ANKRD11: variants seen among roughly 807,000 people sequenced by gnomAD.
ANKRD11 encodes ankyrin repeat domain-containing protein 11.
Under a neutral mutation model 195.7 loss-of-function variants are expected in ANKRD11, and 17 were observed. The ratio of observed to expected loss-of-function variants is 0.09; its 90% CI spans 0.06 to 0.13. The LOEUF is 0.13. Among genes scored for constraint, ANKRD11 ranks in the 10% least tolerant of loss-of-function variants. The pLI, the probability that ANKRD11 is intolerant of heterozygous loss-of-function variation, is 1.00. For missense variants in ANKRD11, 3,735 were observed against 3,566.1 expected, an observed-to-expected ratio of 1.05 and a Z score of -1.21; for synonymous variants, 1,953 against 1,528.1, an observed-to-expected ratio of 1.28 and a Z score of -6.49.
chr16:89,400,715 C>A (rs34160832), intron 2 of ANKRD11, among the ~76,000 whole-genome samples: 30 of 2,464 alleles, frequency 0.012, 4 homozygotes, highest in Admixed American at 0.04. Flanking sequence ...GCGCTGGGGG[C>A]CGGTCATCTG....
At chr16:89,357,480 A>C (rs1233942000) in intron 2 of ANKRD11, among the ~76,000 whole-genome samples, 1 of 152,198 alleles carries the variant, frequency 6.6e-6, no homozygotes, top group Non-Finnish European at 1.5e-5. Flanking sequence ...AACAAATTAC[A>C]AAAGGACTAA....
chr16:89,385,852 G>A (rs913459979), intron 2 of ANKRD11, among the ~76,000 whole-genome samples: 2 of 152,224 alleles, frequency 1.3e-5, no homozygotes, highest in African/African-American at 4.8e-5. Flanking sequence ...AGACACCAGC[G>A]GCTCGCCAAG....
At position 89,288,611 on chromosome 16, in the gene ANKRD11, G is replaced by A; in HGVS notation, c.661C>T (p.Leu221=). The A allele has an allele frequency of 6.2e-7, 1 of 1,614,102 alleles. No homozygotes were observed. ...GTGTTCACCTCCGCACCTGCAGCCA[G>A]CAGCTGCTTCGCGACGTCGTAGTAG... is the stretch of plus-strand genomic sequence containing the variant. ...RGYYDVAKQL[L]AAGAEVNTKG... Residue 221 remains leucine, a synonymous_variant, in exon 7 of 13, where the codon CTG becomes TTG. Transcript: ENST00000301030.
At chr16:89,438,272 A>G (rs1402095485) in intron 1 of ANKRD11, among the ~76,000 whole-genome samples, 1 of 152,236 alleles carries the variant, frequency 6.6e-6, no homozygotes, top group Non-Finnish European at 1.5e-5. Context: ...GCAAAAGTAC[A>G]AAATGTGCAG....
chr16:89,384,446 C>G (rs1490727181), intron 2 of ANKRD11, among the ~76,000 whole-genome samples: 1 of 151,448 alleles, frequency 6.6e-6, no homozygotes, highest in African/African-American at 2.4e-5. Flanking sequence ...CAGAGCAGAA[C>G]GGGATGGGAT....
At chr16:89,355,469 G>C (rs764005677) in intron 2 of ANKRD11, among the ~76,000 whole-genome samples, 1 of 152,158 alleles carries the variant, frequency 6.6e-6, no homozygotes, top group East Asian at 1.9e-4. Flanking sequence ...AGGCTGACAA[G>C]AATTCAAAGC....
chr16:89,290,726 C>A lies in ANKRD11; in HGVS notation c.500G>T (p.Arg167Leu). The change falls in exon 6 of 13, where the codon CGT (arginine) becomes CTT (leucine). Residue 167 changes from arginine to leucine, a missense_variant. Transcript: ENST00000301030. The part of the protein sequence containing the change: ...TKDKVNKRNE[R>L]GETRLHRAAI... ...GGCTCGGTGCAGGCGGGTCTCTCCA[C>A]GCTCGTTTCTCTTGTTCACTTTATC... 6.2e-7 allele frequency: 1 copy of A among 1,613,778 alleles called. No homozygotes were observed. The highest frequency in any genetic ancestry group is 8.5e-7 in the Non-Finnish European group (1 of 1,180,010).
intron 2 of ANKRD11, chr16:89,323,142 C>A: frequency 2.7e-6 from 1 of 365,158 alleles, no homozygotes; most frequent in Non-Finnish European, 5.2e-6. Context: ...AAGGGAGAAG[C>A]ACGGTCTCCA....
At chr16:89,317,869 G>C (rs1240271354) in intron 2 of ANKRD11, among the ~76,000 whole-genome samples, 21 of 152,134 alleles carry the variant, frequency 1.4e-4, no homozygotes, top group Non-Finnish European at 1.5e-5. Flanking sequence ...AGATAGCCAA[G>C]GGCTCCCATG....
intron 1 of ANKRD11, among the ~76,000 whole-genome samples, chr16:89,440,282 A>C (rs911694571): frequency 5.3e-5 from 8 of 152,164 alleles, no homozygotes. Context: ...GGGAGGGATA[A>C]ATAACAGTGG....
chr16:89,474,193 C>T (rs1221843778), intron 1 of ANKRD11, among the ~76,000 whole-genome samples: 1 of 152,146 alleles, frequency 6.6e-6, no homozygotes, highest in African/African-American at 2.4e-5. Context: ...ACAGTCCCAC[C>T]CAACACCTAG....
In ANKRD11 at chr16:89,279,008, G is replaced by A; in HGVS notation, c.7470+64C>T. 2 of 1,599,138 alleles carry A rather than the reference G, an allele frequency of 1.3e-6. No individual in the cohort carries two copies. The highest frequency in any genetic ancestry group is 1.7e-6 in the Non-Finnish European group (2 of 1,173,488). On this transcript the variant is annotated intron_variant, in intron 9 of 12. Coordinates refer to ENST00000301030, the MANE Select transcript of ANKRD11 (RefSeq NM_013275.6). The surrounding 1 kb of genome is among the most constrained non-coding windows in gnomAD (Gnocchi z 5.6). Reference sequence around the variant, plus strand: ...GACAAGACGGGCTGGAGGAAGCCGTGACTAGGGGCCCCAGACGCATCCCAG... The same window carrying A: ...GACAAGACGGGCTGGAGGAAGCCGTAACTAGGGGCCCCAGACGCATCCCAG...
intron 2 of ANKRD11, among the ~76,000 whole-genome samples, chr16:89,393,057 G>T (rs1003483430): frequency 6.6e-6 from 1 of 151,808 alleles, no homozygotes; most frequent in African/African-American, 2.4e-5. Context: ...ACCCTCAGTG[G>T]AGCCTCCGGC....
chr16:89,455,194 A>G (rs2056377232), intron 1 of ANKRD11, among the ~76,000 whole-genome samples: 2 of 138,294 alleles, frequency 1.4e-5, no homozygotes, highest in South Asian at 4.9e-4. Flanking sequence ...AGCATTCCTC[A>G]AGCTGCTTCC....
chr16:89,288,734 G>T, intron 6 of ANKRD11, 64 bp from the exon 7 acceptor site: 1 of 1,611,358 alleles, frequency 6.2e-7, no homozygotes, highest in Admixed American at 1.7e-5. Flanking sequence ...GTCTCTGGAG[G>T]CAGCGCCCTG....
At chr16:89,269,162 G>A (rs1420583338) in intron 12 of ANKRD11, among the ~76,000 whole-genome samples, 1 of 152,184 alleles carries the variant, frequency 6.6e-6, no homozygotes, top group Non-Finnish European at 1.5e-5. Flanking sequence ...TATGTCACAA[G>A]CAACCGTGTA....
intron 1 of ANKRD11, among the ~76,000 whole-genome samples, chr16:89,467,349 G>A (rs1182424924): frequency 3.3e-5 from 5 of 152,164 alleles, no homozygotes; most frequent in East Asian, 1.9e-4. Context: ...GGCTGAGGTG[G>A]GAAAACTGCC....
intron 3 of ANKRD11, among the ~76,000 whole-genome samples, chr16:89,308,297 G>A (rs1316887768): frequency 6.6e-6 from 1 of 152,178 alleles, no homozygotes; most frequent in Non-Finnish European, 1.5e-5. Flanking sequence ...AGAAAACCAC[G>A]TGCTCATGTC....
intron 1 of ANKRD11, among the ~76,000 whole-genome samples, chr16:89,469,460 T>A (rs1428557424): frequency 6.6e-6 from 1 of 151,908 alleles, no homozygotes; most frequent in African/African-American, 2.4e-5. Context: ...TAACCTCAGG[T>A]GATCCACCCA....
Sources: gnomAD v4.1 joint callset for allele counts (sites outside exome capture counted in the v4.1 genomes callset) on GRCh38, gnomAD v4.1.1 for gene constraint, Gnocchi (gnomAD v3.1) non-coding constraint, MANE v1.5 for transcripts, NCBI Gene and HGNC (gene_info 2026-07-23, HGNC 2026-07-21) for gene names.